Variants in SHC4 observed in about 807,000 individuals in gnomAD.
The protein encoded by SHC4 is SHC adaptor protein 4, also known as SHC-transforming protein 4.
SHC4 carries 41 observed loss-of-function variants against 69.4 expected under a neutral mutation model. The observed-to-expected ratio is 0.59, with a 90% CI of 0.46 to 0.77. The LOEUF is 0.77. Among genes scored for constraint, SHC4 ranks in the 30% least tolerant of loss-of-function variants. The probability of loss-of-function intolerance (pLI) is 0.00; values close to 1 mark genes in which losing one functional copy is unlikely to be tolerated. For synonymous variants in SHC4, 318 were observed against 299.3 expected (o/e 1.06, Z -0.64); for missense variants, 777 against 783.8 (o/e 0.99, Z 0.10).
At chr15:48,911,606 A>G (rs1474569582) in intron 2 of SHC4, among the ~76,000 whole-genome samples, 1 of 152,092 alleles carries the variant, frequency 6.6e-6, no homozygotes, top group African/African-American at 2.4e-5. Flanking sequence ...AAGAGCATTC[A>G]TCGTGCTCTT....
At chr15:48,898,755 C>T (rs1202634024) in intron 2 of SHC4, among the ~76,000 whole-genome samples, 1 of 152,146 alleles carries the variant, frequency 6.6e-6, no homozygotes, top group Non-Finnish European at 1.5e-5. Context: ...ACAGAGATTT[C>T]CTGTAATACA....
At chr15:48,853,347 A>C (rs1172622867) in intron 8 of SHC4, among the ~76,000 whole-genome samples, 2 of 152,250 alleles carry the variant, frequency 1.3e-5, no homozygotes, top group Non-Finnish European at 2.9e-5. Context: ...GACACAAATG[A>C]AAAAGCATTC....
intron 2 of SHC4, among the ~76,000 whole-genome samples, chr15:48,894,142 T>C (rs1900183680): frequency 6.6e-6 from 1 of 152,162 alleles, no homozygotes; most frequent in South Asian, 2.1e-4. Flanking sequence ...TGAAGAAGTC[T>C]ATATAAATTA....
intron 1 of SHC4, among the ~76,000 whole-genome samples, chr15:48,934,761 G>T (rs1350559527): frequency 1.3e-5 from 2 of 152,112 alleles, no homozygotes; most frequent in Non-Finnish European, 2.9e-5. Context: ...ATAGTATTTG[G>T]CAATAAAAAG....
chr15:48,834,564 T>C (rs1898864538), intron 11 of SHC4, among the ~76,000 whole-genome samples: 2 of 152,144 alleles, frequency 1.3e-5, no homozygotes, highest in South Asian at 2.1e-4. Context: ...AGAAAGAGGC[T>C]GTCCTCTGCT....
intron 2 of SHC4, among the ~76,000 whole-genome samples, chr15:48,894,271 T>G (rs1159961113): frequency 1.3e-5 from 2 of 152,148 alleles, no homozygotes; most frequent in Admixed American, 1.3e-4. Flanking sequence ...TTTAGGTGCT[T>G]TTTTTGTGGT....
chr15:48,928,776 GGCACAGGTGACTC>G (rs1900901416), intron 1 of SHC4, among the ~76,000 whole-genome samples: 1 of 152,042 alleles, frequency 6.6e-6, no homozygotes, highest in Non-Finnish European at 1.5e-5. Flanking sequence ...TGTCAGCTAT[GGCACAGGTGACTC>G]CCTGTTGCAG....
rs557577150 is a variant in SHC4, at chr15:48,836,731, G to A, written c.1484-1709C>T. ...ATCATCCCATGAAGTCACTGGTGTA[G>A]GCAACCAGTGTGCTGTAGTCGTAAT... is the stretch of plus-strand genomic sequence containing the variant. On this transcript the variant is annotated intron_variant, in intron 10 of 11. Coordinates refer to ENST00000332408, the MANE Select transcript of SHC4 (RefSeq NM_203349.4). Among the ~76,000 whole-genome samples, 4 of 152,246 alleles carry A rather than the reference G, an allele frequency of 2.6e-5. No homozygotes were observed. The South Asian group carries it at 6.2e-4, about 24-fold the overall frequency.
chr15:48,878,082 G>A, intron 4 of SHC4: 1 of 1,474,546 alleles, frequency 6.8e-7, no homozygotes, highest in South Asian at 1.4e-5. Context: ...GCGGGGTTAC[G>A]CAAGCGCGCA....
At chr15:48,910,023 G>A (rs1900479222) in intron 2 of SHC4, among the ~76,000 whole-genome samples, 1 of 151,816 alleles carries the variant, frequency 6.6e-6, no homozygotes, top group Non-Finnish European at 1.5e-5. Context: ...TTTCTTTTTT[G>A]GTTATGTCCT....
In SHC4 at chr15:48,851,318, T is replaced by C. The variant is rs1390323577; in HGVS notation, c.1243-70A>G. The C allele has an allele frequency of 2.1e-6, 3 of 1,453,074 alleles. No homozygotes were observed. In the African/African-American group the frequency reaches 4.3e-5, roughly 21 times the overall value. The allele number at this position is 1,453,074 out of a possible 1,614,324, so 90.0% of individuals were successfully genotyped here. On this transcript the variant is annotated intron_variant, in intron 8 of 11. Coordinates refer to ENST00000332408, the MANE Select transcript of SHC4 (RefSeq NM_203349.4). ...ATTCATAAACTTAAAAGAAAAAATTTATAATAATCCCAGAAGAATATAGCA... is the reference window on the plus strand; with the variant it reads ...ATTCATAAACTTAAAAGAAAAAATTCATAATAATCCCAGAAGAATATAGCA...
intron 2 of SHC4, among the ~76,000 whole-genome samples, chr15:48,913,411 A>G (rs1243465258): frequency 1.3e-5 from 2 of 152,112 alleles, no homozygotes; most frequent in Non-Finnish European, 2.9e-5. Flanking sequence ...TCCAGCTCCC[A>G]TGCAAACCGA....
chr15:48,889,498 G>A (rs1900094337), intron 3 of SHC4, among the ~76,000 whole-genome samples: 1 of 152,132 alleles, frequency 6.6e-6, no homozygotes, highest in Non-Finnish European at 1.5e-5. Context: ...TCTTGTCTCA[G>A]ACTCAGTTTA....
At chr15:48,947,328 G>C (rs1379783040) in intron 1 of SHC4, 3 of 152,068 alleles carry the variant, frequency 2.0e-5, no homozygotes, top group African/African-American at 7.2e-5. Context: ...GGATCAACAG[G>C]TACTGACATG....
chr15:48,936,004 C>G (rs960918027), intron 1 of SHC4, among the ~76,000 whole-genome samples: 3 of 152,074 alleles, frequency 2.0e-5, no homozygotes, highest in African/African-American at 7.2e-5. Flanking sequence ...TGCTTTTCTA[C>G]AGAGCACTTA....
chr15:48,855,486 T>C (rs1229424309), intron 8 of SHC4, among the ~76,000 whole-genome samples: 1 of 151,916 alleles, frequency 6.6e-6, no homozygotes, highest in Non-Finnish European at 1.5e-5. Context: ...CATTATTAGG[T>C]TGGGTTGAGG....
chr15:48,935,619 T>C (rs1160124430), intron 1 of SHC4, among the ~76,000 whole-genome samples: 1 of 152,158 alleles, frequency 6.6e-6, no homozygotes. Flanking sequence ...TGTGCCAGGT[T>C]TGAGCTGGAA....
chr15:48,874,832 T>G (rs1219439293), intron 4 of SHC4, among the ~76,000 whole-genome samples: 1 of 152,250 alleles, frequency 6.6e-6, no homozygotes, highest in Non-Finnish European at 1.5e-5. Context: ...GTTGTACAGC[T>G]GCAGCTGATG....
intron 4 of SHC4, chr15:48,878,008 C>G (rs1271754992): frequency 2.7e-6 from 2 of 749,188 alleles, no homozygotes. Context: ...GGAGAAAACA[C>G]TGAGCTACTC....
Sources: allele counts gnomAD v4.1 joint callset (sites outside exome capture counted in the v4.1 genomes callset), GRCh38; gene constraint gnomAD v4.1.1; transcripts MANE v1.5; gene names NCBI Gene and HGNC (gene_info 2026-07-23, HGNC 2026-07-21).